TRDN: variants seen among roughly 807,000 people sequenced by gnomAD.
The protein encoded by TRDN is triadin in skeletal muscle.
In TRDN, 161 loss-of-function variants were observed where a neutral mutation model predicts 149.7. That is an observed-to-expected ratio of 1.08 (90% confidence interval 0.95 to 1.23). The LOEUF is 1.23. Ranked by LOEUF, TRDN falls within the 50% of genes most tolerant of loss-of-function variation. TRDN has a pLI of 0.00. For synonymous variants in TRDN, 294 were observed against 250.5 expected (o/e 1.17, Z -1.64); for missense variants, 896 against 823.5 (o/e 1.09, Z -1.08).
chr6:123,322,602 T>C (rs1779280693), intron 23 of TRDN, among the ~76,000 whole-genome samples: 1 of 144,784 alleles, frequency 6.9e-6, no homozygotes, highest in South Asian at 2.1e-4. Flanking sequence ...GTCCCAGCTC[T>C]TTTTTTAAAA....
At chr6:123,386,033 T>C (rs1365061319) in intron 14 of TRDN, among the ~76,000 whole-genome samples, 1 of 152,184 alleles carries the variant, frequency 6.6e-6, no homozygotes, top group Non-Finnish European at 1.5e-5. Flanking sequence ...TCCTGAATAT[T>C]ACTGGTGCGT....
intron 16 of TRDN, among the ~76,000 whole-genome samples, chr6:123,378,533 T>C (rs767601078): frequency 6.6e-6 from 1 of 151,294 alleles, no homozygotes; most frequent in East Asian, 2.0e-4. Context: ...CCCAGGCTGG[T>C]CTCAAACTTC....
At chr6:123,225,639 AATATCACATTGT>A (rs1775329003) in intron 38 of TRDN, among the ~76,000 whole-genome samples, 1 of 151,706 alleles carries the variant, frequency 6.6e-6, no homozygotes, top group Non-Finnish European at 1.5e-5. Context: ...TGTATATCAA[AATATCACATTGT>A]ATATCAAATA....
rs566382269 is a variant in TRDN at position 123,246,263 on chromosome 6, C to T, written c.1975+6149G>A. Reference sequence around the variant, plus strand: ...TGAGGAGAACTGAAGGAGATAGAGACACAAAAATCCCTTCTAAAAATCAAT... The same window carrying T: ...TGAGGAGAACTGAAGGAGATAGAGATACAAAAATCCCTTCTAAAAATCAAT... On this transcript the variant is annotated intron_variant, in intron 38 of 40. Coordinates refer to ENST00000334268, the MANE Select transcript of TRDN (RefSeq NM_006073.4). Among the ~76,000 whole-genome samples the T allele has an allele frequency of 1.4e-3, 213 of 152,086 alleles. 8 individuals carry two copies. The South Asian group carries it at 0.044, about 31-fold the overall frequency.
chr6:123,233,824 T>G (rs1775696122), intron 38 of TRDN, among the ~76,000 whole-genome samples: 1 of 152,106 alleles, frequency 6.6e-6, no homozygotes, highest in Non-Finnish European at 1.5e-5. Flanking sequence ...TTTTATTTAA[T>G]AATTGTATCC....
intron 9 of TRDN, among the ~76,000 whole-genome samples, chr6:123,468,304 T>C (rs924591421): frequency 1.3e-5 from 2 of 152,194 alleles, no homozygotes; most frequent in African/African-American, 4.8e-5. Flanking sequence ...ACTCTAAAGG[T>C]GCCCTTCATT....
At chr6:123,394,869 T>C (rs920295724) in intron 12 of TRDN, among the ~76,000 whole-genome samples, 1 of 152,126 alleles carries the variant, frequency 6.6e-6, no homozygotes, top group Admixed American at 6.6e-5. Context: ...ATTTTTTTTC[T>C]GGAGGAAAAC....
chr6:123,489,899 C>G (rs541607106), intron 9 of TRDN, among the ~76,000 whole-genome samples: 3 of 151,624 alleles, frequency 2.0e-5, no homozygotes, highest in Non-Finnish European at 1.5e-5. Context: ...TTTGAGACAC[C>G]ATTTTTACAG....
At chr6:123,508,606 T>C (rs941560879) in intron 7 of TRDN, among the ~76,000 whole-genome samples, 1 of 152,182 alleles carries the variant, frequency 6.6e-6, no homozygotes, top group Non-Finnish European at 1.5e-5. Context: ...GTCTCTGTTG[T>C]TTTTAATGAA....
At chr6:123,435,743 C>A (rs2114585494) in intron 12 of TRDN, among the ~76,000 whole-genome samples, 1 of 152,262 alleles carries the variant, frequency 6.6e-6, no homozygotes, top group African/African-American at 2.4e-5. Flanking sequence ...CTGAATAGTC[C>A]TGCCTAGATG....
chr6:123,258,261 G>T (rs1196699220), intron 35 of TRDN, among the ~76,000 whole-genome samples: 1 of 152,092 alleles, frequency 6.6e-6, no homozygotes, highest in Non-Finnish European at 1.5e-5. Context: ...GTATGCTATT[G>T]ACTGTGGGTT....
chr6:123,255,018 T>G, intron 37 of TRDN, 63 bp downstream of exon 37: 1 of 939,644 alleles, frequency 1.1e-6, no homozygotes, highest in Non-Finnish European at 1.6e-6. Flanking sequence ...AATATTAATA[T>G]TAAGCAACAA....
intron 14 of TRDN, among the ~76,000 whole-genome samples, chr6:123,383,084 A>T (rs1781779736): frequency 6.6e-6 from 1 of 152,110 alleles, no homozygotes; most frequent in Non-Finnish European, 1.5e-5. Flanking sequence ...CTTGGAACCT[A>T]GAACAGTAGA....
intron 9 of TRDN, among the ~76,000 whole-genome samples, chr6:123,494,770 G>T (rs1171964950): frequency 6.6e-6 from 1 of 152,018 alleles, no homozygotes; most frequent in Non-Finnish European, 1.5e-5. Context: ...GTCTTGCTCT[G>T]TGGCCCAGGC....
chr6:123,529,542 G>T (rs1414733462), intron 5 of TRDN: 1 of 578,822 alleles, frequency 1.7e-6, no homozygotes, highest in East Asian at 3.3e-5. Context: ...CAACAACATG[G>T]CATTGTATTA....
At chr6:123,230,615 C>G (rs1401486657) in intron 38 of TRDN, among the ~76,000 whole-genome samples, 2 of 151,340 alleles carry the variant, frequency 1.3e-5, no homozygotes, top group Admixed American at 1.3e-4. Flanking sequence ...TATTCAACAC[C>G]CTTATCATAT....
intron 1 of TRDN, among the ~76,000 whole-genome samples, chr6:123,610,414 T>C (rs1038183316): frequency 2.0e-5 from 3 of 152,122 alleles, no homozygotes; most frequent in Non-Finnish European, 4.4e-5. Flanking sequence ...ATGACTCTCA[T>C]TCCATGTCGC....
intron 9 of TRDN, among the ~76,000 whole-genome samples, chr6:123,465,729 C>T (rs930917587): frequency 2.6e-5 from 4 of 152,050 alleles, no homozygotes; most frequent in African/African-American, 9.7e-5. Flanking sequence ...TCATATGATC[C>T]CATATAAATT....
At chr6:123,584,253 A>G (rs1783300875) in intron 1 of TRDN, among the ~76,000 whole-genome samples, 1 of 152,218 alleles carries the variant, frequency 6.6e-6, no homozygotes, top group African/African-American at 2.4e-5. Context: ...GCCGGGGAGC[A>G]GAAAGTATAT....
Sources: allele counts gnomAD v4.1 joint callset (sites outside exome capture counted in the v4.1 genomes callset), GRCh38; gene constraint gnomAD v4.1.1; transcripts MANE v1.5; gene names NCBI Gene and HGNC (gene_info 2026-07-23, HGNC 2026-07-21).